The following ESPN variants were observed in gnomAD, a reference collection of about 807,000 sequenced individuals.
The protein encoded by ESPN is autosomal recessive deafness type 36 protein.
Under a neutral mutation model 77.7 loss-of-function variants are expected in ESPN, and 68 were observed. That is an observed-to-expected ratio of 0.87 (90% CI 0.72 to 1.07). The LOEUF (loss-of-function observed/expected upper bound fraction) is 1.07. ESPN is among the 50% of genes least tolerant of loss of function. The pLI is 0.00. For missense variants in ESPN, 1,060 were observed against 1,239.0 expected, an observed-to-expected ratio of 0.86 and a Z score of 2.17; for synonymous variants, 449 against 567.1, an observed-to-expected ratio of 0.79 and a Z score of 2.96.
downstream of ESPN, chr1:6,461,265 G>A (rs1031150086): frequency 6.9e-6 from 6 of 865,198 alleles, no homozygotes; most frequent in Non-Finnish European, 1.1e-5. The surrounding 1 kb of genome is among the most constrained non-coding windows in gnomAD (Gnocchi z 6.3). Flanking sequence ...GTGCTTCTTC[G>A]CCTTGGCTGG....
At chr1:6,440,500 G>A (rs1643584944) in intron 3 of ESPN, 60 bp downstream of exon 3, 1 of 1,434,662 alleles carries the variant, frequency 7.0e-7, no homozygotes, top group Non-Finnish European at 9.2e-7. Context: ...AGGGCGGGGA[G>A]TGGAGGGAGC....
At chr1:6,454,818 G>C (rs1166690598) in intron 10 of ESPN, 1 of 396,868 alleles carries the variant, frequency 2.5e-6, no homozygotes, top group East Asian at 3.6e-5. Context: ...GCTGCTGACC[G>C]CTGACACGGG....
chr1:6,446,153 G>A (rs1209927505), intron 7 of ESPN, among the ~76,000 whole-genome samples: 2 of 152,318 alleles, frequency 1.3e-5, no homozygotes, highest in East Asian at 1.9e-4. Flanking sequence ...CTCCATGGGA[G>A]CTGGGGGGTG....
rs727503039 is a variant in ESPN, at chr1:6,460,085, G to A, written c.2504G>A (p.Ser835Asn). The A allele has an allele frequency of 2.7e-5, 44 of 1,613,316 alleles. No homozygotes were observed. The African/African-American group carries it at 5.3e-4, about 20-fold the overall frequency. The change falls in exon 13 of 13, where the codon AGC becomes AAC. Residue 835 changes from serine to asparagine, a missense_variant. Coordinates refer to ENST00000645284, the MANE Select transcript of ESPN (RefSeq NM_031475.3). ...EKLRTLGYDE[S>N]KLAPWQRQVI... ...CTGCGGACGCTGGGCTACGATGAGAGCAAGCTGGCGCCCTGGCAGCGACAG... is the reference window on the plus strand; with the variant it reads ...CTGCGGACGCTGGGCTACGATGAGAACAAGCTGGCGCCCTGGCAGCGACAG...
intron 12 of ESPN, among the ~76,000 whole-genome samples, 198 bp from the exon 13 acceptor site, chr1:6,459,801 A>G (rs1009887809): frequency 6.6e-6 from 1 of 152,004 alleles, no homozygotes; most frequent in Non-Finnish European, 1.5e-5. Context: ...CCACTCACCC[A>G]GCTCCCCTGT....
At chr1:6,443,498 G>A (rs1035458197) in intron 5 of ESPN, among the ~76,000 whole-genome samples, 8 of 152,220 alleles carry the variant, frequency 5.3e-5, no homozygotes, top group African/African-American at 1.7e-4. Context: ...TGCTGCCCAC[G>A]CCACCTCCTA....
intron 2 of ESPN, among the ~76,000 whole-genome samples, chr1:6,432,257 T>C (rs1643279234): frequency 6.6e-6 from 1 of 152,222 alleles, no homozygotes; most frequent in Admixed American, 6.5e-5. Context: ...GGCTGGAGGC[T>C]GTGCCTGGGG....
downstream of ESPN, chr1:6,461,241 C>CT: frequency 1.3e-6 from 1 of 762,488 alleles, no homozygotes; most frequent in Non-Finnish European, 2.3e-6. The surrounding 1 kb of genome is among the most constrained non-coding windows in gnomAD (Gnocchi z 6.3). Context: ...TTCACCCCCT[C>CT]TCGACATTCG....
At chr1:6,433,132 A>AAAAAAG (rs143456789) in intron 2 of ESPN, among the ~76,000 whole-genome samples, 26,452 of 147,820 alleles carry the variant, frequency 0.18, 3,295 homozygotes, top group African/African-American at 0.36. Context: ...AAAAAAAAAG[A>AAAAAAG]AAAAAGAAAA....
chr1:6,459,931 C>G (rs1644127206), intron 12 of ESPN, 68 bp from the exon 13 acceptor site: 1 of 1,603,232 alleles, frequency 6.2e-7, no homozygotes, highest in Admixed American at 1.7e-5. Context: ...CCTGGCCCCA[C>G]CCTTTCTGCC....
chr1:6,435,950 A>T (rs1439416782), intron 2 of ESPN, among the ~76,000 whole-genome samples: 1 of 152,208 alleles, frequency 6.6e-6, no homozygotes, highest in East Asian at 1.9e-4. Flanking sequence ...AGACAAAGAG[A>T]CAAGAAGCAA....
chr1:6,451,217 C>A lies in ESPN; in HGVS notation c.1916-386C>A. The A allele has an allele frequency of 2.8e-6, 1 of 361,480 alleles. No individual in the cohort carries two copies. Among genetic ancestry groups the A allele is most frequent in the South Asian group, 2.3e-5 (1 of 44,124 alleles). 22.4% of individuals were successfully genotyped at this position (361,480 alleles called of 1,614,324 possible). A position where few individuals can be genotyped will look rare whatever the true frequency, so the allele number is the denominator to read the frequency against. On this transcript the variant is annotated intron_variant, in intron 8 of 12. Transcript: ENST00000645284. This position sits in a 1 kb window ranked among gnomAD's most constrained non-coding sequence, Gnocchi z 4.3. ...GGGAGAGGGCCAGAGGGAGGCTCCA[C>A]CCCAGCCGGGCTGAGCCAGGGAACC...
intron 10 of ESPN, among the ~76,000 whole-genome samples, chr1:6,453,672 C>T (rs1017459717): frequency 2.0e-5 from 3 of 152,146 alleles, no homozygotes; most frequent in African/African-American, 7.2e-5. Flanking sequence ...GGACTTTCTC[C>T]TGGAGCACTG....
chr1:6,452,699 A>T (rs1643970933), intron 10 of ESPN, among the ~76,000 whole-genome samples: 1 of 152,156 alleles, frequency 6.6e-6, no homozygotes, highest in Admixed American at 6.5e-5. Context: ...CAAGGACCAC[A>T]CTGAGTAGCC....
intron 2 of ESPN, among the ~76,000 whole-genome samples, chr1:6,431,105 C>T (rs1643230342): frequency 6.6e-6 from 1 of 152,198 alleles, no homozygotes; most frequent in African/African-American, 2.4e-5. Context: ...CTGTGGGGGT[C>T]AGGGAGCTGG....
chr1:6,425,960 T>C (rs1643019846), intron 1 of ESPN, among the ~76,000 whole-genome samples: 1 of 152,120 alleles, frequency 6.6e-6, no homozygotes, highest in Admixed American at 6.5e-5. Flanking sequence ...TCTTGTCCTG[T>C]CGGAGGGCCA....
At chr1:6,454,085 T>C (rs1282934436) in intron 10 of ESPN, among the ~76,000 whole-genome samples, 2 of 152,186 alleles carry the variant, frequency 1.3e-5, no homozygotes, top group African/African-American at 2.4e-5. Context: ...ACCGCGCCTC[T>C]CAGCTTCAAC....
intron 12 of ESPN, among the ~76,000 whole-genome samples, chr1:6,457,578 C>T (rs543589769): frequency 1.3e-5 from 2 of 152,324 alleles, no homozygotes; most frequent in Admixed American, 1.3e-4. Context: ...CTCCTATTAA[C>T]CTGGCCTTTT....
intron 1 of ESPN, among the ~76,000 whole-genome samples, chr1:6,425,628 C>A (rs1172156227): frequency 3.3e-5 from 5 of 152,248 alleles, no homozygotes; most frequent in Admixed American, 1.3e-4. Context: ...AGGACCGGAT[C>A]TGAAAGGAGG....
Sources: allele counts gnomAD v4.1 joint callset (sites outside exome capture counted in the v4.1 genomes callset), GRCh38; gene constraint gnomAD v4.1.1; non-coding constraint Gnocchi (gnomAD v3.1); transcripts MANE v1.5; gene names NCBI Gene and HGNC (gene_info 2026-07-23, HGNC 2026-07-21).